Variants in BMP2K observed in about 807,000 individuals in gnomAD.
BMP2K encodes BMP-2-inducible protein kinase.
BMP2K carries 74 observed loss-of-function variants against 116.0 expected under a neutral mutation model. The observed-to-expected ratio is 0.64, with a 90% CI of 0.53 to 0.77. BMP2K has a LOEUF of 0.77. Among genes scored for constraint, BMP2K ranks in the 30% least tolerant of loss-of-function variants. The probability of loss-of-function intolerance (pLI) is 0.00; values close to 1 mark genes in which losing one functional copy is unlikely to be tolerated. For synonymous variants in BMP2K, 486 were observed against 502.5 expected (o/e 0.97, Z 0.44); for missense variants, 1,365 against 1,403.6 (o/e 0.97, Z 0.44).
chr4:78,835,413 C>T (rs987240010), intron 3 of BMP2K, among the ~76,000 whole-genome samples: 2 of 151,962 alleles, frequency 1.3e-5, no homozygotes, highest in African/African-American at 4.8e-5. Flanking sequence ...ATCACAAGGT[C>T]AGGAGATCGA....
Position 78,873,266 on chromosome 4 carries a change from A to G in BMP2K, c.1793+468A>G, listed in dbSNP as rs139649336. Among the ~76,000 whole-genome samples the G allele has an allele frequency of 4.5e-3, 686 of 152,348 alleles. 3 individuals carry two copies. The highest frequency in any genetic ancestry group is 0.016 in the African/African-American group (649 of 41,576). On this transcript the variant is annotated intron_variant, in intron 13 of 15. Coordinates refer to ENST00000502613, the MANE Select transcript of BMP2K (RefSeq NM_198892.2). ...TATTTTAAGATGATATATAGTATACATACTGTTACCGTAACATAGTTGGTA... is the reference window on the plus strand; with the variant it reads ...TATTTTAAGATGATATATAGTATACGTACTGTTACCGTAACATAGTTGGTA...
In BMP2K at chr4:78,892,620, A is replaced by G. The variant is rs370582773; in HGVS notation, c.2062+5336A>G. 2.0e-4 allele frequency among the ~76,000 whole-genome samples: 31 copies of G among 152,340 alleles called. No individual in the cohort carries two copies. In the East Asian group the frequency reaches 4.4e-3, roughly 22 times the overall value. ...CTACTCTTTCTCTAGCTTCTTAAGC[A>G]AGATTTAAATACAAGCATACTTTGG... On this transcript the variant is annotated intron_variant, in intron 15 of 15. Transcript: ENST00000502613.
intron 10 of BMP2K, among the ~76,000 whole-genome samples, chr4:78,866,682 C>G (rs1357754858): frequency 6.6e-6 from 1 of 152,112 alleles, no homozygotes; most frequent in Non-Finnish European, 1.5e-5. Flanking sequence ...TGAAGTCTCA[C>G]TCTTGTCCCC....
chr4:78,812,887 T>G (rs2109975850), intron 1 of BMP2K, among the ~76,000 whole-genome samples: 1 of 151,782 alleles, frequency 6.6e-6, no homozygotes, highest in African/African-American at 2.4e-5. Context: ...TACCAAAAAA[T>G]TAAAAAACTT....
chr4:78,799,343 A>G (rs960626672), intron 1 of BMP2K, among the ~76,000 whole-genome samples: 4 of 152,102 alleles, frequency 2.6e-5, no homozygotes, highest in Non-Finnish European at 5.9e-5. Context: ...ATGGTTTCAG[A>G]TGGTGCATAG....
intron 1 of BMP2K, 55 bp from the exon 2 acceptor site, chr4:78,825,982 G>T: frequency 8.4e-6 from 11 of 1,301,960 alleles, no homozygotes; most frequent in Non-Finnish European, 8.9e-6. Flanking sequence ...TATATTACAT[G>T]ATTTTGGCAT....
chr4:78,835,586 G>A (rs1437275834), intron 3 of BMP2K, among the ~76,000 whole-genome samples: 1 of 142,286 alleles, frequency 7.0e-6, no homozygotes, highest in Non-Finnish European at 1.5e-5. Context: ...CCGAGATCGC[G>A]CCACTGCACT....
At chr4:78,865,527 T>C (rs779969505) in intron 9 of BMP2K, 30 bp from the exon 10 acceptor site, 2 of 1,598,650 alleles carry the variant, frequency 1.3e-6, no homozygotes, top group Non-Finnish European at 8.6e-7. Context: ...AATCCCAGTA[T>C]TTAGAATGAA....
At chr4:78,878,570 A>T (rs955190239) in intron 13 of BMP2K, among the ~76,000 whole-genome samples, 164 bp from the exon 14 acceptor site, 1 of 152,154 alleles carries the variant, frequency 6.6e-6, no homozygotes, top group East Asian at 1.9e-4. Context: ...TCTAGATCCC[A>T]TATGTTCTCC....
At chr4:78,848,160 T>TA (rs967717523) in intron 6 of BMP2K, among the ~76,000 whole-genome samples, 4 of 150,968 alleles carry the variant, frequency 2.6e-5, no homozygotes, top group African/African-American at 4.8e-5. Context: ...GTAAGGTAAT[T>TA]AAAAAAAAAT....
At chr4:78,781,123 A>G (rs1430148687) in intron 1 of BMP2K, among the ~76,000 whole-genome samples, 1 of 152,194 alleles carries the variant, frequency 6.6e-6, no homozygotes, top group Non-Finnish European at 1.5e-5. Flanking sequence ...TGGCAAGGTG[A>G]CCAGGGTCCG....
chr4:78,835,804 C>A lies in BMP2K; in HGVS notation c.403+2117C>A, dbSNP rs568899495. On this transcript the variant is annotated intron_variant, in intron 3 of 15. Transcript: ENST00000502613. The stretch of plus-strand genomic sequence containing the variant: ...AGAGAATCAGTAATTTTAGTGATTT[C>A]TTAAGGGTACAAAAGAGAAAGGACT... Among the ~76,000 whole-genome samples, 139 of 152,026 alleles carry A rather than the reference C, an allele frequency of 9.1e-4. 2 individuals are homozygous for A. Among genetic ancestry groups the A allele is most frequent in the Middle Eastern group, 6.8e-3 (2 of 292 alleles).
At chr4:78,835,660 T>C (rs1454003050) in intron 3 of BMP2K, among the ~76,000 whole-genome samples, 3 of 151,234 alleles carry the variant, frequency 2.0e-5, no homozygotes, top group Non-Finnish European at 2.9e-5. Context: ...GTCAAATATC[T>C]TAAGCTGTGG....
chr4:78,823,766 T>G (rs1464947376), intron 1 of BMP2K, among the ~76,000 whole-genome samples: 2 of 151,928 alleles, frequency 1.3e-5, no homozygotes, highest in Admixed American at 1.3e-4. Context: ...GCAATTCTGA[T>G]GCAAAGCTAT....
At chr4:78,786,322 A>G (rs1373950130) in intron 1 of BMP2K, among the ~76,000 whole-genome samples, 2 of 152,000 alleles carry the variant, frequency 1.3e-5, no homozygotes, top group African/African-American at 4.8e-5. Flanking sequence ...AGCCCTCTCC[A>G]GGCACTGAAT....
At chr4:78,859,917 G>A (rs1731688760) in intron 8 of BMP2K, 1 of 554,356 alleles carries the variant, frequency 1.8e-6, no homozygotes, top group Admixed American at 3.0e-5. Flanking sequence ...AGAATATTTT[G>A]CATTTTTGAG....
chr4:78,782,007 C>T (rs924668700), intron 1 of BMP2K, among the ~76,000 whole-genome samples: 8 of 152,114 alleles, frequency 5.3e-5, no homozygotes, highest in Non-Finnish European at 1.0e-4. Context: ...CACATTTTTT[C>T]GCCTGGCATT....
intron 3 of BMP2K, among the ~76,000 whole-genome samples, chr4:78,834,682 G>A (rs896891787): frequency 6.6e-6 from 1 of 152,212 alleles, no homozygotes. Context: ...TCTTCAGAAA[G>A]TAATGATTGT....
chr4:78,804,115 T>C (rs901922980), intron 1 of BMP2K, among the ~76,000 whole-genome samples: 1 of 152,184 alleles, frequency 6.6e-6, no homozygotes, highest in Non-Finnish European at 1.5e-5. Context: ...GAACTTACTT[T>C]CCATTCCTCC....
Sources: gnomAD v4.1 joint callset for allele counts (sites outside exome capture counted in the v4.1 genomes callset) on GRCh38, gnomAD v4.1.1 for gene constraint, MANE v1.5 for transcripts, NCBI Gene and HGNC (gene_info 2026-07-23, HGNC 2026-07-21) for gene names.